COL7A1: variants seen among roughly 807,000 people sequenced by gnomAD.
COL7A1 encodes collagen alpha-1(VII) chain.
COL7A1 carries 296 observed loss-of-function variants against 456.2 expected under a neutral mutation model. The observed-to-expected ratio is 0.65, with a 90% CI of 0.59 to 0.71. The LOEUF (loss-of-function observed/expected upper bound fraction) is 0.71. Among genes scored for constraint, COL7A1 ranks in the 30% least tolerant of loss-of-function variants. The pLI is 0.00. For synonymous variants in COL7A1, 1,464 were observed against 1,525.9 expected, an observed-to-expected ratio of 0.96 and a Z score of 0.95; for missense variants, 3,441 against 4,017.2, an observed-to-expected ratio of 0.86 and a Z score of 3.88.
rs774851092 is a variant in COL7A1 at position 48,584,573 on chromosome 3, C to G, written c.4048-17G>C. 3 of 1,614,038 alleles carry G rather than the reference C, an allele frequency of 1.9e-6. No homozygotes were observed. The highest frequency in any genetic ancestry group is 1.1e-5 in the South Asian group (1 of 91,092). On this transcript the variant is annotated splice_polypyrimidine_tract_variant and intron_variant, in intron 35 of 118. Transcript: ENST00000681320. The stretch of plus-strand genomic sequence containing the variant: ...GGGAGCCCCCTGTAAGGACAGAGAG[C>G]AGTGGGCAGGATTCAGGCTATGGGG...
In COL7A1 at chr3:48,581,715, T is replaced by C. The variant is rs766402307; in HGVS notation, c.4713A>G (p.Gln1571=). 1.9e-6 allele frequency: 3 copies of C among 1,614,104 alleles called. No homozygotes were observed. The South Asian group carries it at 3.3e-5, about 18-fold the overall frequency. ...ACTTCGCTTCACTTACCCGTTCCCC[T>C]TGGACTCCGGTAGCTCCTCTGGGCC... ...PAGPRGATGV[Q]GERGPPGLVL... is the part of the protein sequence containing the mutation. Residue 1571 remains glutamine, a synonymous_variant, in exon 49 of 119, where the codon CAA becomes CAG. Coordinates refer to ENST00000681320, the MANE Select transcript of COL7A1 (RefSeq NM_000094.4). This position sits in a 1 kb window ranked among gnomAD's most constrained non-coding sequence, Gnocchi z 5.8.
chr3:48,595,025 G>A (rs1304291508), intron 2 of COL7A1, 50 bp downstream of exon 2: 9 of 1,425,968 alleles, frequency 6.3e-6, no homozygotes, highest in Non-Finnish European at 8.6e-6. Context: ...GTGGAGCGGA[G>A]GGTGGCACGG....
In COL7A1 at chr3:48,569,918, G is replaced by C; in HGVS notation, c.7486-3C>G. On this transcript the variant is annotated splice_region_variant and splice_polypyrimidine_tract_variant and intron_variant, in intron 99 of 118. Coordinates refer to ENST00000681320, the MANE Select transcript of COL7A1 (RefSeq NM_000094.4). The surrounding 1 kb of genome is among the most constrained non-coding windows in gnomAD (Gnocchi z 4.9). ...TCTCCCCTGCTGCCAGGGGGCCCCT[G>C]TGTGAGAGAAGGTGACCGTGAGCTA... is the stretch of plus-strand genomic sequence containing the variant. 1 of 1,613,942 alleles carries C rather than the reference G, an allele frequency of 6.2e-7. No homozygotes were observed. Among genetic ancestry groups the C allele is most frequent in the Non-Finnish European group, 8.5e-7 (1 of 1,179,940 alleles).
rs780970538 is a variant in COL7A1 at position 48,592,843 on chromosome 3, T to C, written c.778A>G (p.Thr260Ala). ...GGAGTGTACTGGACCTTGTAGCCAG[T>C]CACAGGGCCACTGGCCGCTGTCCAC... ...VQWTAASGPVTGYKVQYTPLT... is the reference protein window; with the variant it reads ...VQWTAASGPVAGYKVQYTPLT... The change falls in exon 7 of 119, where the codon ACT (threonine) becomes GCT (alanine). Residue 260 changes from threonine to alanine, a missense_variant. Thr to Ala is a moderately conservative substitution (Grantham distance 58). Transcript: ENST00000681320. The surrounding 1 kb of genome is among the most constrained non-coding windows in gnomAD (Gnocchi z 7.6). 3.1e-6 allele frequency: 5 copies of C among 1,613,914 alleles called. No homozygotes were observed. The Admixed American group carries it at 6.7e-5, about 22-fold the overall frequency.
rs369838476 is a variant in COL7A1, at chr3:48,573,197, G to A, written c.6691C>T (p.Pro2231Ser). 2 of 1,614,008 alleles carry A rather than the reference G, an allele frequency of 1.2e-6. No individual in the cohort carries two copies. The highest frequency in any genetic ancestry group is 2.7e-5 in the African/African-American group (2 of 74,920). Reference protein sequence around the residue: ...GPTGAVGLPGPPGPSGLVGPQ... With the variant: ...GPTGAVGLPGSPGPSGLVGPQ... ...ACCACAAGGCCTGAAGGGCCGGGGG[G>A]TCCAGGAAGTCCCACAGCTCCAGTA... Residue 2231 changes from proline (P) to serine (S), a missense_variant, in exon 85 of 119, where the codon CCC becomes TCC. Coordinates refer to ENST00000681320, the MANE Select transcript of COL7A1 (RefSeq NM_000094.4). The surrounding 1 kb of genome is among the most constrained non-coding windows in gnomAD (Gnocchi z 5.5).
chr3:48,583,975 G>C lies in COL7A1; in HGVS notation c.4225-22C>G. On this transcript the variant is annotated intron_variant, in intron 38 of 118. Coordinates refer to ENST00000681320, the MANE Select transcript of COL7A1 (RefSeq NM_000094.4). This position sits in a 1 kb window ranked among gnomAD's most constrained non-coding sequence, Gnocchi z 5.1. The stretch of plus-strand genomic sequence containing the variant: ...GACCCTGGGAGAGAACAGCAGGTCA[G>C]GGAATGAACAGGGGAATCAGACTCC... 6.2e-7 allele frequency: 1 copy of C among 1,613,922 alleles called. No individual in the cohort carries two copies. The highest frequency in any genetic ancestry group is 8.5e-7 in the Non-Finnish European group (1 of 1,179,984).
rs376542325 is a variant in COL7A1, at chr3:48,586,966, C to T, written c.3276+6G>A. On this transcript the variant is annotated splice_donor_region_variant and intron_variant, in intron 25 of 118. Coordinates refer to ENST00000681320, the MANE Select transcript of COL7A1 (RefSeq NM_000094.4). The surrounding 1 kb of genome is among the most constrained non-coding windows in gnomAD (Gnocchi z 5.1). ...GAGGTAGAATCTGGCTGCCCCAGGG[C>T]CAAACCTGAACTGCCTGTGGCCCAA... 12 of 1,587,044 alleles carry T rather than the reference C, an allele frequency of 7.6e-6. No individual in the cohort carries two copies. The highest frequency in any genetic ancestry group is 9.4e-6 in the Non-Finnish European group (11 of 1,167,000).
chr3:48,580,901 G>A lies in COL7A1; in HGVS notation c.4961C>T (p.Ala1654Val), dbSNP rs760649116. ...ACTCACCCGAAGGCCACGCTCGCCT[G>A]CTTTTCCAGGCAAACCCGGGTCACC... is the stretch of plus-strand genomic sequence containing the variant. ...PPGDPGLPGK[A>V]GERGLRGAPG... Residue 1654 changes from alanine (A) to valine (V), a missense_variant, in exon 54 of 119, where the codon GCA becomes GTA. By Grantham distance (64) the Ala-to-Val change is moderately conservative (BLOSUM62 0). Transcript: ENST00000681320. This position sits in a 1 kb window ranked among gnomAD's most constrained non-coding sequence, Gnocchi z 4.5. The A allele has an allele frequency of 6.2e-7, 1 of 1,614,074 alleles. No individual in the cohort carries two copies. The highest frequency in any genetic ancestry group is 8.5e-7 in the Non-Finnish European group (1 of 1,180,022).
At position 48,581,401 on chromosome 3, in the gene COL7A1, A is replaced by AG. The variant is rs751624217; in HGVS notation, c.4818+46dup. On this transcript the variant is annotated intron_variant, in intron 51 of 118. Coordinates refer to ENST00000681320, the MANE Select transcript of COL7A1 (RefSeq NM_000094.4). This position sits in a 1 kb window ranked among gnomAD's most constrained non-coding sequence, Gnocchi z 5.8. ...CTCGAAGCAAGCAGTTCTCAAGGGG[A>AG]GGGGACCCCAGAAGCCTTGAGGTTG... is the stretch of plus-strand genomic sequence containing the variant. 1.9e-5 allele frequency: 30 copies of AG among 1,613,644 alleles called. No individual in the cohort carries two copies. The highest frequency in any genetic ancestry group is 3.3e-4 in the Middle Eastern group (2 of 6,082).
rs746730235 is a variant in COL7A1, at chr3:48,572,091, G to C, written c.7023+36C>G. 2 of 1,613,714 alleles carry C rather than the reference G, an allele frequency of 1.2e-6. No individual in the cohort carries two copies. Among genetic ancestry groups the C allele is most frequent in the Admixed American group, 1.7e-5 (1 of 59,976 alleles). On this transcript the variant is annotated intron_variant, in intron 91 of 118. Transcript: ENST00000681320. The surrounding 1 kb of genome is among the most constrained non-coding windows in gnomAD (Gnocchi z 4.6). Reference sequence around the variant, plus strand: ...GGGGTGTCTGGACTGAGCCTTCTCTGCTCAGTAGTCAGGCCCCAGGGCCAA... The same window carrying C: ...GGGGTGTCTGGACTGAGCCTTCTCTCCTCAGTAGTCAGGCCCCAGGGCCAA...
chr3:48,579,547 G>T lies in COL7A1; in HGVS notation c.5236-32C>A, dbSNP rs888136235. 3.1e-6 allele frequency: 5 copies of T among 1,613,672 alleles called. No homozygotes were observed. The African/African-American group carries it at 5.3e-5, about 17-fold the overall frequency. On this transcript the variant is annotated intron_variant, in intron 59 of 118. Coordinates refer to ENST00000681320, the MANE Select transcript of COL7A1 (RefSeq NM_000094.4). The surrounding 1 kb of genome is among the most constrained non-coding windows in gnomAD (Gnocchi z 4.4). ...ATAGGGGAGGAAGAAATCAGAGCAG[G>T]CCCTCCCATGCCTGCACCCCCGAGG...
Position 48,565,872 on chromosome 3 carries a change from A to G in COL7A1, c.8408-204T>C, listed in dbSNP as rs1324643944. Among the ~76,000 whole-genome samples the G allele has an allele frequency of 8.5e-5, 13 of 152,080 alleles. No homozygotes were observed. The highest frequency in any genetic ancestry group is 1.3e-4 in the Non-Finnish European group (9 of 67,994). ...GAAGGCAGAGGAGAGGGAAGTTGGG[A>G]ACAGGCCAACAAAAGGCAAGAGACA... On this transcript the variant is annotated intron_variant, in intron 114 of 118. Coordinates refer to ENST00000681320, the MANE Select transcript of COL7A1 (RefSeq NM_000094.4). The surrounding 1 kb of genome is among the most constrained non-coding windows in gnomAD (Gnocchi z 4.5).
rs374782557 is a variant in COL7A1 at position 48,582,491 on chromosome 3, C to A, written c.4586G>T (p.Arg1529Leu). The A allele has an allele frequency of 3.1e-6, 5 of 1,613,990 alleles. No homozygotes were observed. The African/African-American group carries it at 6.7e-5, about 22-fold the overall frequency. ...CCGAGGACCCACCTTCTCTCCTTGG[C>A]GGCCAGTGGGTCCTGGTGGCCCCTG... ...GPEGPPGPTGRQGEKGEPGRP... is the reference protein window; with the variant it reads ...GPEGPPGPTGLQGEKGEPGRP... Residue 1529 changes from arginine to leucine, a missense_variant, in exon 46 of 119, where the codon CGC becomes CTC. Coordinates refer to ENST00000681320, the MANE Select transcript of COL7A1 (RefSeq NM_000094.4).
At position 48,588,654 on chromosome 3, in the gene COL7A1, C is replaced by G; in HGVS notation, c.2575G>C (p.Val859Leu). ...ATGCTCTGCCTACGCGTAGTGACAA[C>G]AATGGAGACAGGTGTGCCCTCGCGG... Reference protein sequence around the residue: ...GDREGTPVSIVVTTPPEAPPA... With the variant: ...GDREGTPVSILVTTPPEAPPA... Residue 859 changes from valine (V) to leucine (L), a missense_variant, in exon 20 of 119, where the codon GTT (valine) becomes CTT (leucine). Around this residue, in one of 3 missense-constraint regions of COL7A1, gnomAD observed 444 missense variants for 427.6 expected, o/e 1.04. Transcript: ENST00000681320. This position sits in a 1 kb window ranked among gnomAD's most constrained non-coding sequence, Gnocchi z 4.6. 6.2e-7 allele frequency: 1 copy of G among 1,613,882 alleles called. No individual in the cohort carries two copies. Among genetic ancestry groups the G allele is most frequent in the Non-Finnish European group, 8.5e-7 (1 of 1,180,050 alleles).
In COL7A1 at chr3:48,568,263, G is replaced by T; in HGVS notation, c.7795-93C>A. The T allele has an allele frequency of 7.0e-7, 1 of 1,431,058 alleles. No homozygotes were observed. Among genetic ancestry groups the T allele is most frequent in the Non-Finnish European group, 9.7e-7 (1 of 1,026,356 alleles). 88.6% of individuals were successfully genotyped at this position (1,431,058 alleles called of 1,614,324 possible). A position where few individuals can be genotyped will look rare whatever the true frequency, so the allele number is the denominator to read the frequency against. On this transcript the variant is annotated intron_variant, in intron 105 of 118. Transcript: ENST00000681320. The surrounding 1 kb of genome is among the most constrained non-coding windows in gnomAD (Gnocchi z 5.2). Reference sequence around the variant, plus strand: ...TAGTGGGTAGGGAACACCATGGGGTGGGAGTCACCTCTGGAGGCCAGAGCC... The same window carrying T: ...TAGTGGGTAGGGAACACCATGGGGTTGGAGTCACCTCTGGAGGCCAGAGCC...
rs150249857 is a variant in COL7A1 at position 48,575,277 on chromosome 3, T to TGG, written c.6181-37_6181-36dup. On this transcript the variant is annotated intron_variant, in intron 74 of 118. Coordinates refer to ENST00000681320, the MANE Select transcript of COL7A1 (RefSeq NM_000094.4). This position sits in a 1 kb window ranked among gnomAD's most constrained non-coding sequence, Gnocchi z 6.3. ...AAATAGCGGGTGAGGGCCAAGCCCA[T>TGG]GGGGGGTCCCACCCCTCCCAACCCC... is the stretch of plus-strand genomic sequence containing the variant. The TGG allele has an allele frequency of 1.2e-6, 2 of 1,613,034 alleles. No individual in the cohort carries two copies. The highest frequency in any genetic ancestry group is 1.7e-6 in the Non-Finnish European group (2 of 1,179,442).
At chr3:48,576,210 G>A (rs1300573444) in intron 71 of COL7A1, 39 bp downstream of exon 71, 1 of 1,612,432 alleles carries the variant, frequency 6.2e-7, no homozygotes, top group African/African-American at 1.3e-5. Flanking sequence ...CAATGGGCAT[G>A]CAAAACAGAG....
Position 48,567,738 on chromosome 3 carries a change from G to A in COL7A1, c.7955C>T (p.Pro2652Leu). The change falls in exon 108 of 119, where the codon CCC becomes CTC. Residue 2652 changes from proline to leucine, a missense_variant. Coordinates refer to ENST00000681320, the MANE Select transcript of COL7A1 (RefSeq NM_000094.4). The surrounding 1 kb of genome is among the most constrained non-coding windows in gnomAD (Gnocchi z 4.3). The stretch of plus-strand genomic sequence containing the variant: ...CTCTCCTTTGTGTCCTGCCAGCCCG[G>A]GGCGGCCTGGGGGACCAGCTTCTCC... ...DKGEAGPPGR[P>L]GLAGHKGEMG... 1 of 1,614,098 alleles carries A rather than the reference G, an allele frequency of 6.2e-7. No homozygotes were observed. The highest frequency in any genetic ancestry group is 8.5e-7 in the Non-Finnish European group (1 of 1,180,018).
chr3:48,568,137 G>A lies in COL7A1; in HGVS notation c.7828C>T (p.Arg2610Ter), dbSNP rs1064793916. Reference sequence around the variant, plus strand: ...AAGCCAACATCTCCTTTTTCTCCTCGGATACCAGGCACTCCATCCTTTCCT... The same window carrying A: ...AAGCCAACATCTCCTTTTTCTCCTCAGATACCAGGCACTCCATCCTTTCCT... ...SPGKDGVPGI[R>*]GEKGDVGFMG... The change falls in exon 106 of 119, where the codon CGA becomes TGA. Residue 2610 changes from arginine to a stop codon, truncating the protein, a stop_gained. Coordinates refer to ENST00000681320, the MANE Select transcript of COL7A1 (RefSeq NM_000094.4). LOFTEE classifies it high-confidence loss of function. This position sits in a 1 kb window ranked among gnomAD's most constrained non-coding sequence, Gnocchi z 5.2. The A allele has an allele frequency of 5.6e-6, 9 of 1,613,892 alleles. No individual in the cohort carries two copies. The highest frequency in any genetic ancestry group is 1.3e-5 in the African/African-American group (1 of 74,920).
Sources: allele counts gnomAD v4.1 joint callset (sites outside exome capture counted in the v4.1 genomes callset), GRCh38; gene constraint gnomAD v4.1.1; regional missense constraint gnomAD v4.1.1; non-coding constraint Gnocchi (gnomAD v3.1); transcripts MANE v1.5; gene names NCBI Gene and HGNC (gene_info 2026-07-23, HGNC 2026-07-21).